The following C12orf42 variants were observed in gnomAD, a reference collection of about 807,000 sequenced individuals.
C12orf42 encodes the protein uncharacterized protein C12orf42.
Under a neutral mutation model 21.6 loss-of-function variants are expected in C12orf42, and 25 were observed. The observed-to-expected ratio is 1.16, with a 90% CI of 0.84 to 1.62. C12orf42 has a LOEUF of 1.62. C12orf42 is among the 40% of genes most tolerant of loss of function. The probability of loss-of-function intolerance (pLI) is 0.00; values close to 1 mark genes in which losing one functional copy is unlikely to be tolerated. For missense variants in C12orf42, 483 were observed against 459.3 expected, an observed-to-expected ratio of 1.05 and a Z score of -0.47; for synonymous variants, 174 against 175.0, an observed-to-expected ratio of 0.99 and a Z score of 0.05.
chr12:103,264,424 C>T (rs1327711550), downstream of C12orf42, among the ~76,000 whole-genome samples: 1 of 152,066 alleles, frequency 6.6e-6, no homozygotes, highest in Non-Finnish European at 1.5e-5. Flanking sequence ...AGAAACGAGC[C>T]GTCAACCAAG....
At chr12:103,210,614 C>T in the C12orf42 span, among the ~76,000 whole-genome samples, 2 of 134,130 alleles carry the variant, frequency 1.5e-5, no homozygotes, top group African/African-American at 5.3e-5. Context: ...GTAATATCCT[C>T]ATCTTGGTGT....
chr12:103,475,037 G>C (rs1471576999), intron 2 of C12orf42, among the ~76,000 whole-genome samples: 1 of 152,156 alleles, frequency 6.6e-6, no homozygotes, highest in Non-Finnish European at 1.5e-5. Flanking sequence ...CTTTTTATTT[G>C]CATGTCTGTG....
At chr12:103,408,947 G>C (rs1267885305) in intron 2 of C12orf42, among the ~76,000 whole-genome samples, 1 of 152,126 alleles carries the variant, frequency 6.6e-6, no homozygotes, top group Non-Finnish European at 1.5e-5. Flanking sequence ...TAATTTTTAA[G>C]TATAGATTAA....
the C12orf42 span, chr12:103,558,233 AAG>A: frequency 6.6e-6 from 1 of 152,220 alleles, no homozygotes; most frequent in Non-Finnish European, 1.5e-5. Context: ...CATAGCAACT[AAG>A]AAAAATGTTT....
the C12orf42 span, chr12:103,503,949 C>A: frequency 6.5e-6 from 1 of 154,798 alleles, no homozygotes; most frequent in South Asian, 1.8e-4. Context: ...TAGTCCTCCT[C>A]TAGTCATGCG....
Position 103,306,313 on chromosome 12 carries a change from A to G in C12orf42, c.292T>C (p.Cys98Arg), listed in dbSNP as rs557524390. 4 of 1,610,840 alleles carry G rather than the reference A, an allele frequency of 2.5e-6. No individual in the cohort carries two copies. The highest frequency in any genetic ancestry group is 3.4e-5 in the Admixed American group (2 of 59,430). ...FPERTQNSMA[C>R]KRLLHTCQYI... ...TGGCAAGTATGAAGTAGTCTTTTAC[A>G]CGCCATTGAATTTTGAGTCCTTTCT... The change falls in exon 5 of 6, where the codon TGT becomes CGT. Residue 98 changes from cysteine to arginine, a missense_variant. Physicochemically the swap from Cys to Arg is radical, Grantham distance 180. Coordinates refer to ENST00000548883, the MANE Select transcript of C12orf42 (RefSeq NM_198521.5).
intron 2 of C12orf42, among the ~76,000 whole-genome samples, chr12:103,438,507 C>T (rs1279633811): frequency 2.0e-5 from 3 of 151,898 alleles, no homozygotes; most frequent in African/African-American, 7.3e-5. Flanking sequence ...TCTGGAAAAC[C>T]TCATTGTCTC....
the C12orf42 span, among the ~76,000 whole-genome samples, chr12:103,510,994 C>T: frequency 2.0e-5 from 3 of 152,208 alleles, no homozygotes; most frequent in East Asian, 1.9e-4. Context: ...TTGTGGGAGG[C>T]TCCCATTCCA....
chr12:103,289,614 A>T (rs1013408731), intron 4 of C12orf42, among the ~76,000 whole-genome samples: 1 of 152,228 alleles, frequency 6.6e-6, no homozygotes, highest in African/African-American at 2.4e-5. Context: ...TAATTAAATT[A>T]TACTACAATG....
At chr12:103,507,189 AT>A in the C12orf42 span, among the ~76,000 whole-genome samples, 3 of 27,300 alleles carry the variant, frequency 1.1e-4, no homozygotes, top group African/African-American at 9.8e-4. Flanking sequence ...TATATATAAT[AT>A]ATATATATTT....
At chr12:103,364,033 C>A (rs889185011) in intron 4 of C12orf42, among the ~76,000 whole-genome samples, 2 of 152,092 alleles carry the variant, frequency 1.3e-5, no homozygotes, top group Non-Finnish European at 2.9e-5. Flanking sequence ...CCAACAACTG[C>A]AGAATATACA....
intron 10 of C12orf42, among the ~76,000 whole-genome samples, chr12:103,251,929 G>T (rs893271079): frequency 6.6e-6 from 1 of 152,064 alleles, no homozygotes; most frequent in East Asian, 1.9e-4. Flanking sequence ...ATTACTTGGG[G>T]GCAGGAGGTA....
the C12orf42 span, among the ~76,000 whole-genome samples, chr12:103,151,655 C>T: frequency 1.3e-5 from 2 of 151,980 alleles, no homozygotes; most frequent in Non-Finnish European, 2.9e-5. Flanking sequence ...AATAAATGAA[C>T]ATTTTGATAG....
At chr12:103,502,882 C>T in the C12orf42 span, among the ~76,000 whole-genome samples, 3 of 152,114 alleles carry the variant, frequency 2.0e-5, no homozygotes, top group Non-Finnish European at 4.4e-5. Context: ...TGGTTCACGG[C>T]GAGTGTTTTG....
rs185031975 is a variant in C12orf42, at chr12:103,306,707, C to A, written c.260-362G>T. Among the ~76,000 whole-genome samples the A allele has an allele frequency of 2.6e-5, 4 of 152,268 alleles. No homozygotes were observed. The East Asian group carries it at 7.7e-4, about 29-fold the overall frequency. ...AGGCTTATGGGTTGAATTGTGTTCA[C>A]CCCCTCCCCTCCCTGCCAAAAAAGA... is the stretch of plus-strand genomic sequence containing the variant. On this transcript the variant is annotated intron_variant, in intron 4 of 5. Coordinates refer to ENST00000548883, the MANE Select transcript of C12orf42 (RefSeq NM_198521.5).
chr12:103,243,076 T>A (rs2033833137), intron 10 of C12orf42, among the ~76,000 whole-genome samples: 1 of 152,172 alleles, frequency 6.6e-6, no homozygotes, highest in South Asian at 2.1e-4. Flanking sequence ...TAGGCTAGAG[T>A]GCAGTGGCAC....
the C12orf42 span, among the ~76,000 whole-genome samples, chr12:103,132,635 A>G: frequency 6.6e-6 from 1 of 152,276 alleles, no homozygotes; most frequent in East Asian, 1.9e-4. Flanking sequence ...ACATCTCTGG[A>G]GCCCCATTGA....
the C12orf42 span, among the ~76,000 whole-genome samples, chr12:103,168,737 A>G: frequency 6.6e-6 from 1 of 152,204 alleles, no homozygotes; most frequent in Non-Finnish European, 1.5e-5. Context: ...ACTATTCACA[A>G]TAGCAAAGAC....
chr12:103,161,135 A>C, the C12orf42 span, among the ~76,000 whole-genome samples: 1 of 152,064 alleles, frequency 6.6e-6, no homozygotes, highest in Non-Finnish European at 1.5e-5. Flanking sequence ...CAGGCTTTCC[A>C]CTCTTGTGAT....
Sources: gnomAD v4.1 joint callset for allele counts (sites outside exome capture counted in the v4.1 genomes callset) on GRCh38, gnomAD v4.1.1 for gene constraint, MANE v1.5 for transcripts, NCBI Gene and HGNC (gene_info 2026-07-23, HGNC 2026-07-21) for gene names.